Variants in F5 observed in about 807,000 individuals in gnomAD.
F5 encodes the protein coagulation factor V.
In F5, 138 loss-of-function variants were observed where a neutral mutation model predicts 216.4. That is an observed-to-expected ratio of 0.64 (90% CI 0.56 to 0.73). The LOEUF is 0.73. Ranked by LOEUF, F5 falls within the 30% of genes least tolerant of loss-of-function variation. The pLI is 0.00. For missense variants in F5, 2,403 were observed against 2,674.0 expected (o/e 0.90, Z 2.24); for synonymous variants, 916 against 930.7 (o/e 0.98, Z 0.29).
chr1:169,559,286 A>G lies in F5; in HGVS notation c.597T>C (p.Thr199=). Reference sequence around the variant, plus strand: ...CAAACGTCTTCTGTGTCCCACCCTCAGTTAGGGTCCCTATGAAAGGAAAGA... The same window carrying G: ...CAAACGTCTTCTGTGTCCCACCCTCGGTTAGGGTCCCTATGAAAGGAAAGA... The part of the protein sequence containing the change: ...PLLICKKGTL[T]EGGTQKTFDK... The change falls in exon 5 of 25, where the codon ACT becomes ACC. Residue 199 remains threonine (T), a synonymous_variant. Coordinates refer to ENST00000367797, the MANE Select transcript of F5 (RefSeq NM_000130.5). 1 of 1,613,690 alleles carries G rather than the reference A, an allele frequency of 6.2e-7. No individual in the cohort carries two copies. Among genetic ancestry groups the G allele is most frequent in the Non-Finnish European group, 8.5e-7 (1 of 1,179,728 alleles).
chr1:169,521,714 G>A (rs192486677), intron 21 of F5, among the ~76,000 whole-genome samples: 52 of 143,120 alleles, frequency 3.6e-4, no homozygotes, highest in Non-Finnish European at 6.3e-4. Flanking sequence ...TCTGCCTTCC[G>A]GATTCAAGCG....
intron 3 of F5, among the ~76,000 whole-genome samples, chr1:169,570,716 T>C (rs2101839096): frequency 6.6e-6 from 1 of 152,218 alleles, no homozygotes; most frequent in African/African-American, 2.4e-5. Context: ...TCTGATTTTT[T>C]CTGAAACTAA....
At chr1:169,556,211 T>C (rs185378232) in intron 6 of F5, among the ~76,000 whole-genome samples, 62 of 152,230 alleles carry the variant, frequency 4.1e-4, no homozygotes, top group African/African-American at 1.3e-3. Context: ...AGACTTTGTG[T>C]TCATCCCACT....
rs955954829 is a variant in F5, at chr1:169,540,239, C to T, written c.4796+55G>A. ...TTATCCCCCTGAATTGTAGTAGCTA[C>T]TTTTTTCAGCAGTAATGGAAAAATG... On this transcript the variant is annotated intron_variant, in intron 13 of 24. Transcript: ENST00000367797. 7.5e-6 allele frequency: 12 copies of T among 1,592,144 alleles called. No individual in the cohort carries two copies. The South Asian group carries it at 1.0e-4, about 13-fold the overall frequency.
chr1:169,520,216 A>G (rs1378912553), intron 22 of F5, among the ~76,000 whole-genome samples: 1 of 152,216 alleles, frequency 6.6e-6, no homozygotes, highest in East Asian at 1.9e-4. Context: ...AATCTCAGGT[A>G]GGTCTTATTG....
rs776752266 is a variant in F5, at chr1:169,540,965, G to A, written c.4125C>T (p.Leu1375=). Residue 1375 remains leucine (L), a synonymous_variant, in exon 13 of 25, where the codon CTC becomes CTT. Coordinates refer to ENST00000367797, the MANE Select transcript of F5 (RefSeq NM_000130.5). ...GGTTTGTCTGACTGAGTTCTGGAGA[G>A]AGGTTTGTCTGGCTGAGGTCTAGAG... is the stretch of plus-strand genomic sequence containing the variant. The part of the protein sequence containing the change: ...TLSLDLSQTN[L]SPELSQTNLS... The A allele has an allele frequency of 6.3e-7, 1 of 1,595,758 alleles. No individual in the cohort carries two copies. Among genetic ancestry groups the A allele is most frequent in the Admixed American group, 1.7e-5 (1 of 59,044 alleles).
intron 3 of F5, among the ~76,000 whole-genome samples, chr1:169,567,526 T>G (rs954756645): frequency 6.9e-6 from 1 of 144,152 alleles, no homozygotes; most frequent in South Asian, 2.2e-4. Flanking sequence ...TAAATAAGAC[T>G]TTTTTGGTAA....
Position 169,542,428 on chromosome 1 carries a change from G to A in F5, c.2662C>T (p.His888Tyr), listed in dbSNP as rs1356197838. The A allele has an allele frequency of 6.2e-7, 1 of 1,614,100 alleles. No individual in the cohort carries two copies. Among genetic ancestry groups the A allele is most frequent in the South Asian group, 1.1e-5 (1 of 91,074 alleles). Residue 888 changes from histidine to tyrosine, a missense_variant, in exon 13 of 25, where the codon CAT (histidine) becomes TAT (tyrosine). His to Tyr is a moderately conservative substitution (Grantham distance 83). Coordinates refer to ENST00000367797, the MANE Select transcript of F5 (RefSeq NM_000130.5). ...TGGCTTAGGTGTCTCCCAACTTTATGTGCTAGTAATTTCATCCAGGAGAAC... is the reference window on the plus strand; with the variant it reads ...TGGCTTAGGTGTCTCCCAACTTTATATGCTAGTAATTTCATCCAGGAGAAC... ...HRFSWMKLLA[H>Y]KVGRHLSQDT... is the part of the protein sequence containing the mutation.
chr1:169,577,715 C>G (rs1660895634), intron 2 of F5, among the ~76,000 whole-genome samples: 1 of 150,830 alleles, frequency 6.6e-6, no homozygotes, highest in South Asian at 2.1e-4. Flanking sequence ...GCTGGGATTA[C>G]AGTCATGAGC....
At chr1:169,544,546 C>A (rs1659955484) in intron 11 of F5, 38 bp from the exon 12 acceptor site, 3 of 1,546,428 alleles carry the variant, frequency 1.9e-6, no homozygotes, top group African/African-American at 1.4e-5. Context: ...CAAGTCTATG[C>A]CAACAAAAGG....
chr1:169,580,415 G>A lies in F5; in HGVS notation c.250+2016C>T, dbSNP rs527969505. Among the ~76,000 whole-genome samples, 137 of 150,048 alleles carry A rather than the reference G, an allele frequency of 9.1e-4. 1 individual carries two copies. Among genetic ancestry groups the A allele is most frequent in the Non-Finnish European group, 1.6e-3 (106 of 67,664 alleles). On this transcript the variant is annotated intron_variant, in intron 2 of 24. Coordinates refer to ENST00000367797, the MANE Select transcript of F5 (RefSeq NM_000130.5). ...TTTTTTTTTTTTGAGATAGAGTTTCGCTCTGTCACCCAGGTTGGAGTGAAG... is the reference window on the plus strand; with the variant it reads ...TTTTTTTTTTTTGAGATAGAGTTTCACTCTGTCACCCAGGTTGGAGTGAAG...
chr1:169,548,374 A>G (rs1245463170), intron 10 of F5, among the ~76,000 whole-genome samples: 1 of 152,176 alleles, frequency 6.6e-6, no homozygotes, highest in Non-Finnish European at 1.5e-5. Flanking sequence ...AAGAAAAAAA[A>G]GTGCTGTATT....
rs140678900 is a variant in F5, at chr1:169,533,181, C to T, written c.4972-2159G>A. Among the ~76,000 whole-genome samples the T allele has an allele frequency of 1.9e-3, 295 of 152,064 alleles. 4 individuals carry two copies. The highest frequency in any genetic ancestry group is 9.3e-3 in the East Asian group (48 of 5,168). The stretch of plus-strand genomic sequence containing the variant: ...ATTTAATAAATGGTGCTGGAATAGC[C>T]GGCTACCCATATGTGGAAGAATGAA... On this transcript the variant is annotated intron_variant, in intron 14 of 24. Transcript: ENST00000367797.
chr1:169,574,892 A>G (rs1358209868), intron 2 of F5, among the ~76,000 whole-genome samples: 5 of 152,194 alleles, frequency 3.3e-5, no homozygotes, highest in African/African-American at 1.2e-4. Flanking sequence ...TATCCTAGGC[A>G]TCAGAATTGC....
intron 17 of F5, among the ~76,000 whole-genome samples, chr1:169,527,581 T>C (rs1659488896): frequency 6.6e-6 from 1 of 152,132 alleles, no homozygotes; most frequent in African/African-American, 2.4e-5. Context: ...CAGAGATAGC[T>C]GTAGCTGCCT....
chr1:169,550,000 A>C lies in F5; in HGVS notation c.1412T>G (p.Met471Arg), dbSNP rs778004101. 2.1e-5 allele frequency: 34 copies of C among 1,613,848 alleles called. No homozygotes were observed. The highest frequency in any genetic ancestry group is 2.8e-5 in the Non-Finnish European group (33 of 1,179,912). Residue 471 changes from methionine to arginine, a missense_variant, in exon 10 of 25, where the codon ATG becomes AGG. By Grantham distance (91) the Met-to-Arg change is moderately conservative. Coordinates refer to ENST00000367797, the MANE Select transcript of F5 (RefSeq NM_000130.5). ...TTCCCCTGGTTGAACTGCTCTGATCATGGTGTTGTTCCTGCCTGAAAGAAA... is the reference window on the plus strand; with the variant it reads ...TTCCCCTGGTTGAACTGCTCTGATCCTGGTGTTGTTCCTGCCTGAAAGAAA... ...SSFTSGRNNT[M>R]IRAVQPGETY...
chr1:169,571,792 C>T (rs1227305930), intron 3 of F5, among the ~76,000 whole-genome samples: 1 of 152,144 alleles, frequency 6.6e-6, no homozygotes, highest in Non-Finnish European at 1.5e-5. Context: ...TAGGTATCGT[C>T]TATGGCTGCT....
chr1:169,540,767 G>A lies in F5; in HGVS notation c.4323C>T (p.Asp1441=). The part of the protein sequence containing the change: ...PDLSQVTLSP[D]ISDTTLLPDL... ...CCGGGAGAAGGGTGGTGTCACTGAT[G>A]TCTGGAGAGAGAGTCACCTGGCTGA... The change falls in exon 13 of 25, where the codon GAC becomes GAT. Residue 1441 remains aspartate, a synonymous_variant. Coordinates refer to ENST00000367797, the MANE Select transcript of F5 (RefSeq NM_000130.5). The A allele has an allele frequency of 6.2e-7, 1 of 1,614,058 alleles. No homozygotes were observed. The highest frequency in any genetic ancestry group is 8.5e-7 in the Non-Finnish European group (1 of 1,179,976).
At position 169,514,156 on chromosome 1, in the gene F5, T is replaced by A. The variant is rs886045539; in HGVS notation, c.*157A>T. The A allele has an allele frequency of 1.4e-6, 1 of 712,832 alleles. No individual in the cohort carries two copies. Among genetic ancestry groups the A allele is most frequent in the Non-Finnish European group, 2.4e-6 (1 of 424,138 alleles). The allele number at this position is 712,832 out of a possible 1,614,324, so 44.2% of individuals were successfully genotyped here. On this transcript the variant is annotated 3_prime_UTR_variant, in exon 25 of 25. Transcript: ENST00000367797. ...TACTTACTGGTAGCAAGGAGTTACA[T>A]TATAAAAGCTTCTTGTATAAAATTT...
Sources: allele counts gnomAD v4.1 joint callset (sites outside exome capture counted in the v4.1 genomes callset), GRCh38; gene constraint gnomAD v4.1.1; transcripts MANE v1.5; gene names NCBI Gene and HGNC (gene_info 2026-07-23, HGNC 2026-07-21).